STK32B: variants seen among roughly 807,000 people sequenced by gnomAD.
STK32B encodes serine/threonine-protein kinase 32B.
STK32B carries 43 observed loss-of-function variants against 52.6 expected under a neutral mutation model. The ratio of observed to expected loss-of-function variants is 0.82; its 90% CI spans 0.64 to 1.05. The LOEUF (loss-of-function observed/expected upper bound fraction) is 1.05, where lower values mean the gene tolerates loss of function less well. Ranked by LOEUF, STK32B falls within the 50% of genes least tolerant of loss-of-function variation. The pLI is 0.00. For missense variants in STK32B, 621 were observed against 534.6 expected, an observed-to-expected ratio of 1.16 and a Z score of -1.59; for synonymous variants, 238 against 204.3, an observed-to-expected ratio of 1.17 and a Z score of -1.41.
At chr4:5,228,438 G>A (rs190150821) in intron 3 of STK32B, among the ~76,000 whole-genome samples, 278 of 152,350 alleles carry the variant, frequency 1.8e-3, no homozygotes, top group African/African-American at 6.3e-3. Flanking sequence ...GCCACCCTTT[G>A]AGCTTCGTCA....
chr4:5,466,919 G>C (rs1425512165), intron 10 of STK32B, 85 bp downstream of exon 10: 2 of 1,486,542 alleles, frequency 1.3e-6, no homozygotes, highest in Non-Finnish European at 1.8e-6. Context: ...TTAGCAAAAA[G>C]GGGACATTTC....
intron 4 of STK32B, among the ~76,000 whole-genome samples, chr4:5,354,716 A>G (rs1055011083): frequency 2.6e-5 from 4 of 152,256 alleles, no homozygotes; most frequent in East Asian, 1.9e-4. Context: ...TTCTCATAGA[A>G]ATGATAAATA....
chr4:5,482,476 A>C (rs1718795737), intron 11 of STK32B, among the ~76,000 whole-genome samples: 1 of 152,148 alleles, frequency 6.6e-6, no homozygotes, highest in Admixed American at 6.5e-5. Flanking sequence ...CAGCTTAAGG[A>C]GATTTTGGGC....
intron 4 of STK32B, among the ~76,000 whole-genome samples, chr4:5,342,163 A>G (rs1733127061): frequency 6.6e-6 from 1 of 152,184 alleles, no homozygotes. Context: ...ATCTAGAACT[A>G]GAAACACCAC....
intron 1 of STK32B, among the ~76,000 whole-genome samples, chr4:5,124,203 C>G (rs1715226608): frequency 6.6e-6 from 1 of 152,188 alleles, no homozygotes; most frequent in South Asian, 2.1e-4. Flanking sequence ...ATTTTGCTCT[C>G]TCACAGAGAA....
At position 5,399,831 on chromosome 4, in the gene STK32B, A is replaced by G. The variant is rs1737174882; in HGVS notation, c.472+1587A>G. Among the ~76,000 whole-genome samples, 1 of 152,148 alleles carries G rather than the reference A, an allele frequency of 6.6e-6. No homozygotes were observed. The highest frequency in any genetic ancestry group is 1.5e-5 in the Non-Finnish European group (1 of 68,022). On this transcript the variant is annotated intron_variant, in intron 5 of 11. Coordinates refer to ENST00000282908, the MANE Select transcript of STK32B (RefSeq NM_018401.3). This position sits in a 1 kb window ranked among gnomAD's most constrained non-coding sequence, Gnocchi z 5.4. ...AGTATGCAAGCGCTCGGGAAGGGGT[A>G]GATAACTCGCCCTCTTCCTGTCCCC... is the stretch of plus-strand genomic sequence containing the variant.
chr4:5,490,042 C>A (rs1006489917), intron 11 of STK32B, among the ~76,000 whole-genome samples: 1 of 151,384 alleles, frequency 6.6e-6, no homozygotes, highest in Admixed American at 6.6e-5. Flanking sequence ...GATGGTTGGA[C>A]CCAAATTATT....
At chr4:5,174,156 C>T (rs199502763) in intron 3 of STK32B, among the ~76,000 whole-genome samples, 6 of 151,782 alleles carry the variant, frequency 4.0e-5, no homozygotes, top group East Asian at 1.9e-4. Context: ...TTTTCTTGGT[C>T]GATCTTCCTC....
At chr4:5,060,051 C>T (rs769891266) in intron 1 of STK32B, among the ~76,000 whole-genome samples, 5 of 152,192 alleles carry the variant, frequency 3.3e-5, no homozygotes, top group Non-Finnish European at 5.9e-5. Context: ...ACCACAACCT[C>T]CACCTCCCGG....
chr4:5,257,953 A>C (rs916506516), intron 3 of STK32B, among the ~76,000 whole-genome samples: 1 of 152,104 alleles, frequency 6.6e-6, no homozygotes, highest in Non-Finnish European at 1.5e-5. Flanking sequence ...AAAAAAGAAA[A>C]AGAAAAAAAG....
intron 1 of STK32B, among the ~76,000 whole-genome samples, chr4:5,118,989 G>A (rs775466050): frequency 5.9e-5 from 9 of 152,120 alleles, no homozygotes; most frequent in Non-Finnish European, 7.3e-5. Flanking sequence ...CTTTTTGGAC[G>A]TTTTGTTTTC....
intron 2 of STK32B, chr4:5,140,294 G>A (rs1011735380): frequency 9.0e-6 from 12 of 1,334,394 alleles, no homozygotes; most frequent in East Asian, 4.5e-5. Context: ...CAACATAGAC[G>A]TTTGTTGTTT....
chr4:5,382,978 G>A (rs1393869467), intron 4 of STK32B, among the ~76,000 whole-genome samples: 2 of 152,156 alleles, frequency 1.3e-5, no homozygotes, highest in East Asian at 3.9e-4. Context: ...TCCCCTTGGA[G>A]GATACTCACA....
At chr4:5,377,080 G>A (rs1235322097) in intron 4 of STK32B, among the ~76,000 whole-genome samples, 1 of 152,168 alleles carries the variant, frequency 6.6e-6, no homozygotes, top group Non-Finnish European at 1.5e-5. Flanking sequence ...GCAGCTCTCT[G>A]CACTTCATCC....
At chr4:5,483,793 G>C (rs189686889) in intron 11 of STK32B, among the ~76,000 whole-genome samples, 2 of 151,938 alleles carry the variant, frequency 1.3e-5, no homozygotes, top group Admixed American at 1.3e-4. Flanking sequence ...TTGTGTCTTT[G>C]TTCTCGTTGG....
intron 2 of STK32B, among the ~76,000 whole-genome samples, chr4:5,160,581 C>T (rs1175732295): frequency 6.6e-6 from 1 of 152,182 alleles, no homozygotes; most frequent in East Asian, 1.9e-4. Context: ...TAGGATCCCC[C>T]TTCTGGGGTC....
chr4:5,051,056 TA>T (rs747084867), upstream of STK32B, among the ~76,000 whole-genome samples: 37 of 151,980 alleles, frequency 2.4e-4, no homozygotes, highest in Admixed American at 5.9e-4. Context: ...AGAAAAACCT[TA>T]AGAGGAACAG....
At chr4:5,413,790 C>T (rs1711915391) in intron 5 of STK32B, among the ~76,000 whole-genome samples, 1 of 152,180 alleles carries the variant, frequency 6.6e-6, no homozygotes, top group Non-Finnish European at 1.5e-5. Flanking sequence ...CGGGCAGCCT[C>T]CTCTGCAGCG....
At chr4:5,406,190 C>G (rs1006970386) in intron 5 of STK32B, among the ~76,000 whole-genome samples, 2 of 152,184 alleles carry the variant, frequency 1.3e-5, no homozygotes, top group African/African-American at 4.8e-5. Flanking sequence ...CCAAAATAAT[C>G]TTTGACTCCA....
Sources: allele counts gnomAD v4.1 joint callset (sites outside exome capture counted in the v4.1 genomes callset), GRCh38; gene constraint gnomAD v4.1.1; non-coding constraint Gnocchi (gnomAD v3.1); transcripts MANE v1.5; gene names NCBI Gene and HGNC (gene_info 2026-07-23, HGNC 2026-07-21).